The following NEO1 variants were observed in gnomAD, a reference collection of about 807,000 sequenced individuals.
The protein encoded by NEO1 is neogenin.
In NEO1, 63 loss-of-function variants were observed where a neutral mutation model predicts 159.7. That is an observed-to-expected ratio of 0.39 (90% CI 0.32 to 0.49). NEO1 has a LOEUF of 0.49. Ranked by LOEUF, NEO1 falls within the 20% of genes least tolerant of loss-of-function variation. NEO1 has a pLI of 0.85. For synonymous variants in NEO1, 633 were observed against 662.0 expected, an observed-to-expected ratio of 0.96 and a Z score of 0.67; for missense variants, 1,615 against 1,831.0, an observed-to-expected ratio of 0.88 and a Z score of 2.15.
intron 7 of NEO1, among the ~76,000 whole-genome samples, chr15:73,210,141 TAAGAC>T (rs2037474970): frequency 6.6e-6 from 1 of 152,192 alleles, no homozygotes; most frequent in South Asian, 2.1e-4. Flanking sequence ...AGTTAAAGTA[TAAGAC>T]AAGACAAGAG....
At position 73,069,074 on chromosome 15, in the gene NEO1, C is replaced by G. The variant is rs186428925; in HGVS notation, c.130+16269C>G. On this transcript the variant is annotated intron_variant, in intron 1 of 28. Coordinates refer to ENST00000261908, the MANE Select transcript of NEO1 (RefSeq NM_002499.4). The stretch of plus-strand genomic sequence containing the variant: ...TTCAAATGATCCTCCCCCCTTCAGC[C>G]TCCCAAGTAGCTGGGACTACAGTCA... Among the ~76,000 whole-genome samples, 109 of 151,682 alleles carry G rather than the reference C, an allele frequency of 7.2e-4. 1 individual carries two copies. Among genetic ancestry groups the G allele is most frequent in the African/African-American group, 2.6e-3 (106 of 41,312 alleles).
chr15:73,148,151 A>C (rs993781724), intron 5 of NEO1, among the ~76,000 whole-genome samples: 2 of 152,038 alleles, frequency 1.3e-5, no homozygotes, highest in African/African-American at 4.8e-5. Flanking sequence ...CCTTATTTTT[A>C]TTGAACCATA....
At chr15:73,182,806 G>A (rs144024010) in intron 7 of NEO1, among the ~76,000 whole-genome samples, 449 of 152,258 alleles carry the variant, frequency 2.9e-3, no homozygotes, top group Non-Finnish European at 5.0e-3. Flanking sequence ...TACAATTCAA[G>A]GTGAGGTTTG....
chr15:73,226,503 A>C (rs2038598593), intron 7 of NEO1, among the ~76,000 whole-genome samples: 1 of 152,236 alleles, frequency 6.6e-6, no homozygotes, highest in African/African-American at 2.4e-5. Context: ...CAAACAGAAG[A>C]GGTGCTAGGA....
intron 5 of NEO1, among the ~76,000 whole-genome samples, chr15:73,171,937 G>A (rs1199697606): frequency 2.6e-5 from 4 of 151,952 alleles, no homozygotes; most frequent in Admixed American, 6.6e-5. Flanking sequence ...CACCATGCCC[G>A]GCCAATAAAT....
chr15:73,240,687 T>C (rs1220704692), intron 8 of NEO1, among the ~76,000 whole-genome samples: 1 of 152,176 alleles, frequency 6.6e-6, no homozygotes, highest in Non-Finnish European at 1.5e-5. Context: ...TGGGTAGTAA[T>C]TATGTTAGCC....
At chr15:73,234,877 C>A (rs2039090264) in intron 7 of NEO1, among the ~76,000 whole-genome samples, 1 of 152,184 alleles carries the variant, frequency 6.6e-6, no homozygotes, top group South Asian at 2.1e-4. Context: ...TAATACCACT[C>A]CACCACTCAT....
At chr15:73,188,824 G>A (rs954622374) in intron 7 of NEO1, among the ~76,000 whole-genome samples, 3 of 152,188 alleles carry the variant, frequency 2.0e-5, no homozygotes, top group Non-Finnish European at 4.4e-5. Context: ...TAGGCTGGGT[G>A]CAGTGGCTCA....
At chr15:73,130,791 AAGG>A (rs2031011876) in intron 4 of NEO1, among the ~76,000 whole-genome samples, 1 of 152,238 alleles carries the variant, frequency 6.6e-6, no homozygotes, top group African/African-American at 2.4e-5. Flanking sequence ...GGTGGTATCA[AAGG>A]AGGCCCAGCG....
intron 26 of NEO1, among the ~76,000 whole-genome samples, chr15:73,297,943 G>A (rs1044825153): frequency 3.9e-5 from 6 of 152,186 alleles, no homozygotes; most frequent in Non-Finnish European, 8.8e-5. Context: ...TCAGGTACCC[G>A]GCCAGCCTTG....
intron 10 of NEO1, 76 bp from the exon 11 acceptor site, chr15:73,249,507 G>A: frequency 7.1e-7 from 1 of 1,408,340 alleles, no homozygotes; most frequent in East Asian, 2.3e-5. Context: ...TATAGAATTT[G>A]TGTAGCTAAT....
At chr15:73,175,118 A>G (rs1353868214) in intron 5 of NEO1, among the ~76,000 whole-genome samples, 5 of 152,140 alleles carry the variant, frequency 3.3e-5, no homozygotes, top group African/African-American at 1.2e-4. Flanking sequence ...AAGGAAAGGG[A>G]GATTGGAAAG....
Position 73,301,446 on chromosome 15 carries a change from G to T in NEO1, c.4291G>T (p.Asp1431Tyr), listed in dbSNP as rs768494791. Residue 1431 changes from aspartate to tyrosine, a missense_variant, in exon 28 of 29, where the codon GAC becomes TAC. Physicochemically the swap from Asp to Tyr is radical, Grantham distance 160 (BLOSUM62 -3). Around this residue, in one of 3 missense-constraint regions of NEO1, gnomAD observed 471 missense variants for 498.9 expected, o/e 0.94. Coordinates refer to ENST00000261908, the MANE Select transcript of NEO1 (RefSeq NM_002499.4). ...GCAGGAGACCACAAGGATGTTGGAAGACTCCGAGAGTGTAAGTTCGTGGGG... is the reference window on the plus strand; with the variant it reads ...GCAGGAGACCACAAGGATGTTGGAATACTCCGAGAGTGTAAGTTCGTGGGG... ...EVQETTRMLE[D>Y]SESSYEPDEL... is the part of the protein sequence containing the mutation. 3.2e-5 allele frequency: 51 copies of T among 1,614,214 alleles called. No homozygotes were observed. Among genetic ancestry groups the T allele is most frequent in the Non-Finnish European group, 4.2e-5 (49 of 1,180,044 alleles).
chr15:73,293,329 G>A, intron 25 of NEO1, 61 bp from the exon 26 acceptor site: 2 of 1,597,038 alleles, frequency 1.3e-6, no homozygotes, highest in Non-Finnish European at 1.7e-6. Context: ...CTCTTAAACT[G>A]TGATTTGTGT....
intron 7 of NEO1, among the ~76,000 whole-genome samples, chr15:73,220,963 T>C (rs1185515365): frequency 6.6e-6 from 1 of 152,224 alleles, no homozygotes; most frequent in East Asian, 1.9e-4. Flanking sequence ...GTTCCATTGC[T>C]GGTGAGGAAC....
chr15:73,196,749 C>A (rs528214677), intron 7 of NEO1, among the ~76,000 whole-genome samples: 1 of 152,218 alleles, frequency 6.6e-6, no homozygotes, highest in African/African-American at 2.4e-5. Context: ...GCTGAGACTG[C>A]TGGCAAATCC....
intron 1 of NEO1, among the ~76,000 whole-genome samples, chr15:73,109,122 T>G (rs527966474): frequency 6.6e-6 from 1 of 152,328 alleles, no homozygotes; most frequent in South Asian, 2.1e-4. Flanking sequence ...TGTCAAAATA[T>G]GCGTAGAAGT....
At chr15:73,151,472 T>C (rs1004368953) in intron 5 of NEO1, among the ~76,000 whole-genome samples, 9 of 152,218 alleles carry the variant, frequency 5.9e-5, no homozygotes, top group African/African-American at 2.2e-4. Context: ...GTTCTCACAC[T>C]GCTATGAAGG....
intron 5 of NEO1, among the ~76,000 whole-genome samples, chr15:73,158,957 G>T (rs1489520377): frequency 6.6e-6 from 1 of 152,120 alleles, no homozygotes; most frequent in Non-Finnish European, 1.5e-5. Context: ...AACTACTTTG[G>T]AGGCCTTGTT....
Sources: allele counts gnomAD v4.1 joint callset (sites outside exome capture counted in the v4.1 genomes callset), GRCh38; gene constraint gnomAD v4.1.1; regional missense constraint gnomAD v4.1.1; transcripts MANE v1.5; gene names NCBI Gene and HGNC (gene_info 2026-07-23, HGNC 2026-07-21).